PSG9: variants seen among roughly 807,000 people sequenced by gnomAD.
PSG9 encodes pregnancy-specific beta-1-glycoprotein 9.
PSG9 carries 49 observed loss-of-function variants against 41.9 expected under a neutral mutation model. The observed-to-expected ratio is 1.17, with a 90% CI of 0.93 to 1.48. The LOEUF is 1.48. Ranked by LOEUF, PSG9 falls within the 40% of genes most tolerant of loss-of-function variation. The probability of loss-of-function intolerance (pLI) is 0.00; values close to 1 mark genes in which losing one functional copy is unlikely to be tolerated. For missense variants in PSG9, 641 were observed against 520.3 expected, an observed-to-expected ratio of 1.23 and a Z score of -2.26; for synonymous variants, 263 against 196.8, an observed-to-expected ratio of 1.34 and a Z score of -2.82.
chr19:43,265,715 G>A (rs1277159524), intron 2 of PSG9, among the ~76,000 whole-genome samples: 2 of 152,056 alleles, frequency 1.3e-5, no homozygotes, highest in African/African-American at 4.8e-5. Flanking sequence ...TTTTTTTTGT[G>A]TGTGTGTGCA....
At chr19:43,261,740 C>G in intron 3 of PSG9, 120 bp downstream of exon 3, 2 of 1,609,896 alleles carry the variant, frequency 1.2e-6, no homozygotes, top group Middle Eastern at 1.7e-4. Context: ...TCATGGCCAG[C>G]TTTGATGTCT....
intron 2 of PSG9, 93 bp downstream of exon 2, chr19:43,267,691 A>C (rs1969035902): frequency 6.3e-7 from 1 of 1,577,732 alleles, no homozygotes; most frequent in Non-Finnish European, 8.7e-7. Context: ...GCAGAGAGTG[A>C]CACAGGCAGA....
chr19:43,267,770 G>C lies in PSG9; in HGVS notation c.430+14C>G. ...CTTCCCCCCAACACCCAGGGATCAT[G>C]TGGAATCACTCACAGTATAAGGTGA... On this transcript the variant is annotated intron_variant, in intron 2 of 5. Transcript: ENST00000270077. 1 of 1,612,598 alleles carries C rather than the reference G, an allele frequency of 6.2e-7. No homozygotes were observed. Among genetic ancestry groups the C allele is most frequent in the South Asian group, 1.1e-5 (1 of 90,882 alleles).
In PSG9 at chr19:43,261,716, C is replaced by T. The variant is rs1015731366; in HGVS notation, c.709+144G>A. 4 of 1,594,832 alleles carry T rather than the reference C, an allele frequency of 2.5e-6. No homozygotes were observed. The African/African-American group carries it at 4.0e-5, about 16-fold the overall frequency. On this transcript the variant is annotated intron_variant, in intron 3 of 5. Transcript: ENST00000270077. Reference sequence around the variant, plus strand: ...TCAAGCCTAGGCCTACTCTGGTTTGCTTGGGGCAGAAAGTCATGGCCAGCT... The same window carrying T: ...TCAAGCCTAGGCCTACTCTGGTTTGTTTGGGGCAGAAAGTCATGGCCAGCT...
rs749558064 is a variant in PSG9, at chr19:43,267,813, T to A, written c.401A>T (p.Glu134Val). 6.2e-7 allele frequency: 1 copy of A among 1,613,216 alleles called. No homozygotes were observed. Among genetic ancestry groups the A allele is most frequent in the Non-Finnish European group, 8.5e-7 (1 of 1,179,502 alleles). The change falls in exon 2 of 6, where the codon GAA becomes GTA. Residue 134 changes from glutamate to valine, a missense_variant. Glu to Val is a moderately radical substitution (Grantham distance 121). Transcript: ENST00000270077. ...IIKRGDETRE[E>V]IRHFTFTLYL... The stretch of plus-strand genomic sequence containing the variant: ...TAAGGTGAAGGTGAAATGTCGAATT[T>A]CTTCTCTAGTCTCATCACCTCGCTT...
intron 1 of PSG9, among the ~76,000 whole-genome samples, chr19:43,268,360 G>C (rs1474881343): frequency 6.6e-6 from 1 of 152,080 alleles, no homozygotes; most frequent in African/African-American, 2.4e-5. Context: ...AAGGTCAGCA[G>C]CATGACCCCC....
chr19:43,257,964 T>G lies in PSG9; in HGVS notation c.1243+238A>C, dbSNP rs760857426. The G allele has an allele frequency of 2.1e-6, 3 of 1,453,992 alleles. 1 individual carries two copies. Among genetic ancestry groups the G allele is most frequent in the Admixed American group, 5.4e-5 (2 of 37,094 alleles). 90.1% of individuals were successfully genotyped at this position (1,453,992 alleles called of 1,614,324 possible). On this transcript the variant is annotated intron_variant, in intron 5 of 5. Coordinates refer to ENST00000270077, the MANE Select transcript of PSG9 (RefSeq NM_002784.5). Reference sequence around the variant, plus strand: ...TCTTCTACCACATAGGGCTCAGGGCTGATAAAGCCCCCTCCCTACCTTTTT... The same window carrying G: ...TCTTCTACCACATAGGGCTCAGGGCGGATAAAGCCCCCTCCCTACCTTTTT...
intron 2 of PSG9, among the ~76,000 whole-genome samples, chr19:43,265,719 G>C (rs999664082): frequency 2.6e-5 from 4 of 152,120 alleles, no homozygotes; most frequent in African/African-American, 9.7e-5. Context: ...TTTTGTGTGT[G>C]TGTGCAGGAG....
In PSG9 at chr19:43,269,498, G is replaced by A. The variant is rs376850089; in HGVS notation, c.-67C>T. The A allele has an allele frequency of 2.5e-4, 407 of 1,596,226 alleles. 2 individuals carry two copies. The African/African-American group carries it at 3.7e-3, about 15-fold the overall frequency. On this transcript the variant is annotated 5_prime_UTR_variant, in exon 1 of 6. Coordinates refer to ENST00000270077, the MANE Select transcript of PSG9 (RefSeq NM_002784.5). ...TGGGATCCAGAAGCTGTCTGAGCACGGCTGTCAGCTGTGCTGTCCTTCCTC... is the reference window on the plus strand; with the variant it reads ...TGGGATCCAGAAGCTGTCTGAGCACAGCTGTCAGCTGTGCTGTCCTTCCTC...
In PSG9 at chr19:43,259,329, T is replaced by C. The variant is rs1452322396; in HGVS notation, c.710-194A>G. 21 of 1,097,240 alleles carry C rather than the reference T, an allele frequency of 1.9e-5. 2 individuals carry two copies. Among genetic ancestry groups the C allele is most frequent in the Non-Finnish European group, 2.5e-5 (20 of 808,308 alleles). The allele number at this position is 1,097,240 out of a possible 1,614,324, so 68.0% of individuals were successfully genotyped here. A position where few individuals can be genotyped will look rare whatever the true frequency, so the allele number is the denominator to read the frequency against. ...AGACTGTGAGGCCGCCTGCTCTGTC[T>C]TAGGGAAGCACAGACTTTCTCAAGT... On this transcript the variant is annotated intron_variant, in intron 3 of 5. Transcript: ENST00000270077.
rs1217366177 is a variant in PSG9, at chr19:43,255,877, A to G, written c.1244-2231T>C. 1.4e-5 allele frequency among the ~76,000 whole-genome samples: 2 copies of G among 146,816 alleles called. 1 individual carries two copies. Among genetic ancestry groups the G allele is most frequent in the Non-Finnish European group, 3.0e-5 (2 of 67,400 alleles). The stretch of plus-strand genomic sequence containing the variant: ...AGATGACATCAATAAATTGAAAGAC[A>G]TTTTGTTTTCATGAATTGGAAGACT... On this transcript the variant is annotated intron_variant, in intron 5 of 5. Coordinates refer to ENST00000270077, the MANE Select transcript of PSG9 (RefSeq NM_002784.5).
intron 3 of PSG9, 53 bp from the exon 4 acceptor site, chr19:43,259,188 A>G (rs969357660): frequency 1.3e-6 from 2 of 1,570,222 alleles, no homozygotes; most frequent in South Asian, 1.1e-5. Context: ...TGATTCCTCC[A>G]CAGGCATACT....
In PSG9 at chr19:43,258,256, G is replaced by A. The variant is rs749464887; in HGVS notation, c.1189C>T (p.His397Tyr). ...NHSGLYACSV[H>Y]NSATGKEISK... ...ATTTCCTTGCCAGTGGCTGAGTTAT[G>A]AACAGAGCAAGCATAGAGCCCGCTA... Residue 397 changes from histidine (H) to tyrosine (Y), a missense_variant, in exon 5 of 6, where the codon CAT (histidine) becomes TAT (tyrosine). By Grantham distance (83) the His-to-Tyr change is moderately conservative (BLOSUM62 2). Transcript: ENST00000270077. 19 of 1,592,958 alleles carry A rather than the reference G, an allele frequency of 1.2e-5. No homozygotes were observed. The highest frequency in any genetic ancestry group is 1.6e-5 in the Non-Finnish European group (19 of 1,174,536).
chr19:43,265,704 ATT>A (rs534812305), intron 2 of PSG9, among the ~76,000 whole-genome samples: 2 of 151,878 alleles, frequency 1.3e-5, no homozygotes, highest in Non-Finnish European at 2.9e-5. Flanking sequence ...CATTTCAATA[ATT>A]TTTTTTGTGT....
At chr19:43,254,935 A>T (rs1366922253) in intron 5 of PSG9, among the ~76,000 whole-genome samples, 2 of 144,180 alleles carry the variant, frequency 1.4e-5, no homozygotes, top group African/African-American at 5.3e-5. Flanking sequence ...AAAAAAATAA[A>T]AAAAAATTAG....
chr19:43,268,955 C>T (rs2122140271), intron 1 of PSG9, among the ~76,000 whole-genome samples: 1 of 152,268 alleles, frequency 6.6e-6, no homozygotes, highest in East Asian at 1.9e-4. Context: ...GACCCCTGTC[C>T]CTCTCTGGTG....
In PSG9 at chr19:43,262,157, G is replaced by A. The variant is rs370474941; in HGVS notation, c.431-19C>T. 1.2e-6 allele frequency: 2 copies of A among 1,607,316 alleles called. No homozygotes were observed. Among genetic ancestry groups the A allele is most frequent in the Non-Finnish European group, 1.7e-6 (2 of 1,175,752 alleles). On this transcript the variant is annotated intron_variant, in intron 2 of 5. Coordinates refer to ENST00000270077, the MANE Select transcript of PSG9 (RefSeq NM_002784.5). ...GTCTCCACTGTGCAGAAAACAGAGA[G>A]AAGATTGCCCTGTGTGGCACCTTTG...
At position 43,262,061 on chromosome 19, in the gene PSG9, C is replaced by T. The variant is rs1968746292; in HGVS notation, c.508G>A (p.Asp170Asn). ...TAGCTTGCGTCCAGAGTCTCAGGAT[C>T]ACAGATTAAGCGCACAGCCTCCATG... ...EAMEAVRLIC[D>N]PETLDASYLW... Residue 170 changes from aspartate to asparagine, a missense_variant, in exon 3 of 6, where the codon GAT (aspartate) becomes AAT (asparagine). Physicochemically the swap from Asp to Asn is conservative, Grantham distance 23. Transcript: ENST00000270077. 6.2e-7 allele frequency: 1 copy of T among 1,613,990 alleles called. No individual in the cohort carries two copies. The highest frequency in any genetic ancestry group is 8.5e-7 in the Non-Finnish European group (1 of 1,179,912).
At position 43,269,485 on chromosome 19, in the gene PSG9, G is replaced by T; in HGVS notation, c.-54C>A. On this transcript the variant is annotated 5_prime_UTR_variant, in exon 1 of 6. Transcript: ENST00000270077. ...GTGGAGATGAGCCTGGGATCCAGAA[G>T]CTGTCTGAGCACGGCTGTCAGCTGT... 6.2e-7 allele frequency: 1 copy of T among 1,607,234 alleles called. No individual in the cohort carries two copies. The highest frequency in any genetic ancestry group is 1.1e-5 in the South Asian group (1 of 90,822).
Sources: gnomAD v4.1 joint callset for allele counts (sites outside exome capture counted in the v4.1 genomes callset) on GRCh38, gnomAD v4.1.1 for gene constraint, MANE v1.5 for transcripts, NCBI Gene and HGNC (gene_info 2026-07-23, HGNC 2026-07-21) for gene names.